APAF1: variants seen among roughly 807,000 people sequenced by gnomAD.
APAF1 encodes the protein apoptotic peptidase activating factor 1.
In APAF1, 91 loss-of-function variants were observed where a neutral mutation model predicts 152.4. The observed-to-expected ratio is 0.60, with a 90% CI of 0.50 to 0.71. The LOEUF (loss-of-function observed/expected upper bound fraction) is 0.71, where lower values mean the gene tolerates loss of function less well. Among genes scored for constraint, APAF1 ranks in the 30% least tolerant of loss-of-function variants. APAF1 has a pLI of 0.00. For missense variants in APAF1, 1,283 were observed against 1,472.0 expected, an observed-to-expected ratio of 0.87 and a Z score of 2.10; for synonymous variants, 484 against 494.1, an observed-to-expected ratio of 0.98 and a Z score of 0.27.
At chr12:98,657,491 A>G (rs1464427008) in intron 4 of APAF1, among the ~76,000 whole-genome samples, 4 of 152,212 alleles carry the variant, frequency 2.6e-5, no homozygotes, top group Admixed American at 6.5e-5. Context: ...GACCTTGTGC[A>G]GGTTCAAAGA....
chr12:98,707,726 T>C (rs1026986876), intron 19 of APAF1, among the ~76,000 whole-genome samples: 1 of 137,418 alleles, frequency 7.3e-6, no homozygotes, highest in African/African-American at 2.5e-5. Context: ...ATAAATTTAC[T>C]AATTCTCACA....
Position 98,667,554 on chromosome 12 carries a change from C to A in APAF1, c.1404C>A (p.His468Gln). Residue 468 changes from histidine to glutamine, a missense_variant, in exon 10 of 27, where the codon CAC becomes CAA. Coordinates refer to ENST00000551964, the MANE Select transcript of APAF1 (RefSeq NM_181861.2). ...KKIITQFQRYHQPHTLSPDQE... is the reference protein window; with the variant it reads ...KKIITQFQRYQQPHTLSPDQE... ...TAATCACTCAGTTTCAGAGATATCA[C>A]CAGCCGCATACTCTTTCACCAGATC... 6.2e-7 allele frequency: 1 copy of A among 1,613,994 alleles called. No homozygotes were observed. The highest frequency in any genetic ancestry group is 8.5e-7 in the Non-Finnish European group (1 of 1,179,934).
In APAF1 at chr12:98,696,776, A is replaced by G. The variant is rs547886343; in HGVS notation, c.2305-2632A>G. Among the ~76,000 whole-genome samples, 3 of 152,286 alleles carry G rather than the reference A, an allele frequency of 2.0e-5. No individual in the cohort carries two copies. The East Asian group carries it at 5.8e-4, about 29-fold the overall frequency. On this transcript the variant is annotated intron_variant, in intron 16 of 26. Transcript: ENST00000551964. ...CTCCCAAGGTGCTAGGATTACAGAC[A>G]TGAGCCACTGCACCCTGCCGGGAGT... is the stretch of plus-strand genomic sequence containing the variant.
chr12:98,669,891 C>T (rs2097677909), intron 10 of APAF1, among the ~76,000 whole-genome samples: 1 of 140,474 alleles, frequency 7.1e-6, no homozygotes, highest in African/African-American at 2.9e-5. Flanking sequence ...CCTCCCCTCC[C>T]CTCTTCCTGC....
chr12:98,711,354 G>A (rs1164028664), intron 20 of APAF1, among the ~76,000 whole-genome samples: 1 of 152,140 alleles, frequency 6.6e-6, no homozygotes, highest in Non-Finnish European at 1.5e-5. Context: ...GAGTTTAGAG[G>A]ATAAACTTAA....
chr12:98,726,876 G>A (rs2097751359), intron 25 of APAF1, among the ~76,000 whole-genome samples: 2 of 151,804 alleles, frequency 1.3e-5, no homozygotes, highest in Non-Finnish European at 1.5e-5. Flanking sequence ...TTTTCCATTC[G>A]GTTCTCTTGG....
At chr12:98,691,004 C>T (rs549455782) in intron 16 of APAF1, among the ~76,000 whole-genome samples, 1 of 152,004 alleles carries the variant, frequency 6.6e-6, no homozygotes, top group Non-Finnish European at 1.5e-5. Flanking sequence ...GTCAGGAGTT[C>T]GAGACCAGCC....
intron 21 of APAF1, among the ~76,000 whole-genome samples, chr12:98,714,897 T>A (rs1455133142): frequency 6.6e-6 from 1 of 151,358 alleles, no homozygotes; most frequent in Non-Finnish European, 1.5e-5. Context: ...TACTTTTATT[T>A]AGAGTATTAT....
At position 98,735,368 on chromosome 12, in the gene APAF1, C is replaced by T; in HGVS notation, c.*2802C>T. 2.3e-6 allele frequency: 1 copy of T among 428,370 alleles called. No homozygotes were observed. Among genetic ancestry groups the T allele is most frequent in the East Asian group, 3.3e-5 (1 of 30,520 alleles). The allele number at this position is 428,370 out of a possible 1,614,324, so 26.5% of individuals were successfully genotyped here. A position where few individuals can be genotyped will look rare whatever the true frequency, so the allele number is the denominator to read the frequency against. On this transcript the variant is annotated 3_prime_UTR_variant, in exon 27 of 27. Coordinates refer to ENST00000551964, the MANE Select transcript of APAF1 (RefSeq NM_181861.2). ...TATATGATTTTTTTGCCTTGGTATA[C>T]ATTTTAAAATATGAATTTAAAAAAT...
intron 23 of APAF1, 40 bp from the exon 24 acceptor site, chr12:98,723,599 A>T: frequency 6.5e-7 from 1 of 1,535,016 alleles, no homozygotes; most frequent in Non-Finnish European, 8.9e-7. Flanking sequence ...AAATGTTCTT[A>T]AAAGTGTCAA....
At chr12:98,677,334 T>C (rs925421934) in intron 12 of APAF1, 91 bp from the exon 13 acceptor site, 2 of 1,344,698 alleles carry the variant, frequency 1.5e-6, no homozygotes, top group African/African-American at 1.5e-5. Context: ...AACATAACCA[T>C]GTTAAAAGAC....
intron 15 of APAF1, among the ~76,000 whole-genome samples, chr12:98,685,956 C>G (rs953496356): frequency 6.6e-6 from 1 of 152,184 alleles, no homozygotes; most frequent in East Asian, 1.9e-4. Context: ...GATTTTACAG[C>G]AAGTCCTAAA....
chr12:98,667,614 C>CAG lies in APAF1; in HGVS notation c.1464_1465insAG (p.Tyr489SerfsTer16), dbSNP rs1388145081. 1 of 1,613,952 alleles carries CAG rather than the reference C, an allele frequency of 6.2e-7. No homozygotes were observed. The highest frequency in any genetic ancestry group is 1.7e-5 in the Admixed American group (1 of 60,026). ...GTATGTATTGGTACAACTTTCTGGC[C>CAG]TATCACATGGCCAGTGCCAAGATGC... On this transcript the variant is annotated frameshift_variant, in exon 10 of 27. Transcript: ENST00000551964. LOFTEE classifies it high-confidence loss of function.
intron 7 of APAF1, 27 bp from the exon 8 acceptor site, chr12:98,665,526 C>T: frequency 6.8e-7 from 1 of 1,461,716 alleles, no homozygotes; most frequent in South Asian, 1.1e-5. Context: ...ATGGTATTAG[C>T]ATAGTGACTT....
In APAF1 at chr12:98,714,843, C is replaced by CT. The variant is rs775325950; in HGVS notation, c.2959-571dup. ...AGTTCATTTGAAAGCCTTTTTTTTT[C>CT]TTTTTTTTTTTTTGACATAGTCATT... On this transcript the variant is annotated intron_variant, in intron 21 of 26. Coordinates refer to ENST00000551964, the MANE Select transcript of APAF1 (RefSeq NM_181861.2). Among the ~76,000 whole-genome samples the CT allele has an allele frequency of 5.6e-3, 721 of 129,486 alleles. 5 individuals are homozygous for CT. Among genetic ancestry groups the CT allele is most frequent in the Middle Eastern group, 0.016 (4 of 252 alleles). 84.9% of individuals were successfully genotyped at this position (129,486 alleles called of 152,430 possible). A position where few individuals can be genotyped will look rare whatever the true frequency, so the allele number is the denominator to read the frequency against.
At position 98,665,742 on chromosome 12, in the gene APAF1, A is replaced by G; in HGVS notation, c.1145A>G (p.Tyr382Cys). The G allele has an allele frequency of 1.2e-6, 2 of 1,614,094 alleles. No individual in the cohort carries two copies. Among genetic ancestry groups the G allele is most frequent in the South Asian group, 1.1e-5 (1 of 91,084 alleles). Residue 382 changes from tyrosine to cysteine, a missense_variant, in exon 8 of 27, where the codon TAT (tyrosine) becomes TGT (cysteine). Coordinates refer to ENST00000551964, the MANE Select transcript of APAF1 (RefSeq NM_181861.2). The part of the protein sequence containing the change: ...VEMLREDIKD[Y>C]YTDLSILQKD... ...ATGCTCAGAGAAGACATCAAAGATT[A>G]TTACACAGATCTTTCCATCCTTCAG...
At chr12:98,720,761 C>G (rs769947936) in intron 22 of APAF1, among the ~76,000 whole-genome samples, 1 of 152,100 alleles carries the variant, frequency 6.6e-6, no homozygotes, top group African/African-American at 2.4e-5. Flanking sequence ...GTCAGGAGAT[C>G]GAGACCATCC....
At chr12:98,715,726 G>A (rs1023235616) in intron 22 of APAF1, among the ~76,000 whole-genome samples, 174 bp downstream of exon 22, 1 of 152,086 alleles carries the variant, frequency 6.6e-6, no homozygotes, top group Non-Finnish European at 1.5e-5. Context: ...CTGTGGGTGA[G>A]GCAGACAGTT....
At chr12:98,687,945 A>C (rs761197564) in intron 16 of APAF1, among the ~76,000 whole-genome samples, 51 of 152,052 alleles carry the variant, frequency 3.4e-4, no homozygotes, top group Non-Finnish European at 2.4e-4. Context: ...CCAAGTAGAT[A>C]GGAGTACAGG....
Sources: allele counts gnomAD v4.1 joint callset (sites outside exome capture counted in the v4.1 genomes callset), GRCh38; gene constraint gnomAD v4.1.1; transcripts MANE v1.5; gene names NCBI Gene and HGNC (gene_info 2026-07-23, HGNC 2026-07-21).